Variants in ZDHHC21 observed in about 807,000 individuals in gnomAD.
The protein encoded by ZDHHC21 is zDHHC palmitoyltransferase 21, also known as palmitoyltransferase ZDHHC21.
A neutral mutation model predicts 34.6 loss-of-function variants in ZDHHC21; 15 were observed. The ratio of observed to expected loss-of-function variants is 0.43; its 90% CI spans 0.29 to 0.67. ZDHHC21 has a LOEUF of 0.67. Among genes scored for constraint, ZDHHC21 ranks in the 30% least tolerant of loss-of-function variants. The probability of loss-of-function intolerance (pLI) is 0.14; values close to 1 mark genes in which losing one functional copy is unlikely to be tolerated. For missense variants in ZDHHC21, 344 were observed against 327.7 expected, an observed-to-expected ratio of 1.05 and a Z score of -0.38; for synonymous variants, 142 against 101.8, an observed-to-expected ratio of 1.40 and a Z score of -2.38.
At chr9:14,687,529 G>C (rs1314159364) in intron 2 of ZDHHC21, among the ~76,000 whole-genome samples, 1 of 150,688 alleles carries the variant, frequency 6.6e-6, no homozygotes, top group Non-Finnish European at 1.5e-5. Flanking sequence ...CAATTAGCCA[G>C]GCATAGTGGC....
At chr9:14,642,294 C>T (rs1011238269) in intron 7 of ZDHHC21, among the ~76,000 whole-genome samples, 1 of 152,144 alleles carries the variant, frequency 6.6e-6, no homozygotes, top group African/African-American at 2.4e-5. Flanking sequence ...TATTTTGAGT[C>T]ACTTAACACT....
chr9:14,643,848 G>A (rs1433694191), intron 7 of ZDHHC21, among the ~76,000 whole-genome samples: 1 of 152,108 alleles, frequency 6.6e-6, no homozygotes, highest in Non-Finnish European at 1.5e-5. Flanking sequence ...CTCTACTCTT[G>A]TTCCCTTGGT....
intron 7 of ZDHHC21, among the ~76,000 whole-genome samples, chr9:14,647,930 T>C (rs911646671): frequency 6.6e-6 from 1 of 152,126 alleles, no homozygotes; most frequent in Non-Finnish European, 1.5e-5. Flanking sequence ...ACCACCCCAT[T>C]GAAATCCAGA....
In ZDHHC21 at chr9:14,611,958, C is replaced by G. The variant is rs111478988; in HGVS notation, c.*7008G>C. The stretch of plus-strand genomic sequence containing the variant: ...ACAGTGAATAGTGGTGAATTCTCTA[C>G]TACTCAATAACTTGAAAAATTACTG... On this transcript the variant is annotated 3_prime_UTR_variant, in exon 10 of 10. Transcript: ENST00000380916. 5 of 151,938 alleles carry G rather than the reference C, an allele frequency of 3.3e-5. No individual in the cohort carries two copies. The highest frequency in any genetic ancestry group is 2.0e-4 in the Admixed American group (3 of 15,212). The allele number at this position is 151,938 out of a possible 1,614,324, so 9.4% of individuals were successfully genotyped here.
intron 2 of ZDHHC21, chr9:14,683,683 C>T (rs1208143986): frequency 6.6e-6 from 1 of 152,228 alleles, no homozygotes; most frequent in Non-Finnish European, 1.5e-5. Context: ...AAGAGGGAAT[C>T]CTCTTTAACT....
chr9:14,605,059 A>ATAACATTCCATTG, the ZDHHC21 span, among the ~76,000 whole-genome samples: 1 of 152,186 alleles, frequency 6.6e-6, no homozygotes, highest in Non-Finnish European at 1.5e-5. Flanking sequence ...CTATGGCTGA[A>ATAACATTCCATTG]TAACATTCCA....
At chr9:14,660,009 C>G (rs1017200280) in intron 6 of ZDHHC21, among the ~76,000 whole-genome samples, 2 of 152,158 alleles carry the variant, frequency 1.3e-5, no homozygotes, top group Non-Finnish European at 2.9e-5. Context: ...ACCAGAACAG[C>G]TTTAAGAAGC....
At chr9:14,644,419 T>C (rs1256162988) in intron 7 of ZDHHC21, among the ~76,000 whole-genome samples, 1 of 152,086 alleles carries the variant, frequency 6.6e-6, no homozygotes, top group African/African-American at 2.4e-5. Flanking sequence ...ATAATGGTGA[T>C]AGTGGGGGCA....
the ZDHHC21 span, among the ~76,000 whole-genome samples, chr9:14,595,907 T>C: frequency 3.9e-5 from 6 of 152,178 alleles, no homozygotes; most frequent in Middle Eastern, 3.2e-3. Context: ...TGGCTAAAAC[T>C]TGAAAAGTCC....
intron 5 of ZDHHC21, among the ~76,000 whole-genome samples, chr9:14,672,601 T>C (rs1282777984): frequency 1.3e-5 from 2 of 151,944 alleles, no homozygotes; most frequent in Non-Finnish European, 1.5e-5. Flanking sequence ...GAGGATCATA[T>C]GATATGTGAT....
intron 6 of ZDHHC21, among the ~76,000 whole-genome samples, chr9:14,659,501 A>G (rs1197754811): frequency 6.6e-6 from 1 of 152,224 alleles, no homozygotes; most frequent in Admixed American, 6.5e-5. Flanking sequence ...TAATGTTACA[A>G]TAAAAAATTT....
At chr9:14,641,688 C>G (rs1038922813) in intron 7 of ZDHHC21, among the ~76,000 whole-genome samples, 2 of 152,182 alleles carry the variant, frequency 1.3e-5, no homozygotes, top group African/African-American at 4.8e-5. Context: ...CACAGACCCT[C>G]CCTTCCATCA....
chr9:14,647,641 TTCCACAG>T (rs1449520307), intron 7 of ZDHHC21, among the ~76,000 whole-genome samples: 1 of 150,868 alleles, frequency 6.6e-6, no homozygotes, highest in East Asian at 1.9e-4. Flanking sequence ...CTTGTTTATA[TTCCACAG>T]TCCATCATGA....
At position 14,645,030 on chromosome 9, in the gene ZDHHC21, G is replaced by C. The variant is rs981404196; in HGVS notation, c.505-5018C>G. ...AAGTGGGAGAAAACTGGTTCTTAGA[G>C]GGAGAAAAAAAGTCTTAGCTATCAC... is the stretch of plus-strand genomic sequence containing the variant. On this transcript the variant is annotated intron_variant, in intron 7 of 9. Transcript: ENST00000380916. Among the ~76,000 whole-genome samples, 5 of 152,188 alleles carry C rather than the reference G, an allele frequency of 3.3e-5. No individual in the cohort carries two copies. The South Asian group carries it at 6.2e-4, about 19-fold the overall frequency.
rs1832854145 is a variant in ZDHHC21 at position 14,658,891 on chromosome 9, A to G, written c.366-4T>C. The G allele has an allele frequency of 6.3e-7, 1 of 1,597,786 alleles. No individual in the cohort carries two copies. The highest frequency in any genetic ancestry group is 8.5e-7 in the Non-Finnish European group (1 of 1,175,504). ...TTCACCAACACAATTGTTAATCCTA[A>G]AGAAAAAAAATGAAAAAGAAACAAT... is the stretch of plus-strand genomic sequence containing the variant. On this transcript the variant is annotated splice_region_variant and splice_polypyrimidine_tract_variant and intron_variant, in intron 6 of 9. Transcript: ENST00000380916.
intron 3 of ZDHHC21, among the ~76,000 whole-genome samples, chr9:14,679,476 C>T (rs945165669): frequency 4.6e-5 from 7 of 152,142 alleles, no homozygotes; most frequent in African/African-American, 1.7e-4. Flanking sequence ...TAAGTAATTT[C>T]TGCACAAGTG....
chr9:14,636,335 A>C (rs1293007430), intron 8 of ZDHHC21, among the ~76,000 whole-genome samples: 1 of 152,208 alleles, frequency 6.6e-6, no homozygotes, highest in Non-Finnish European at 1.5e-5. Flanking sequence ...AGACCATTAT[A>C]TGAGATCAAT....
rs1824443233 is a variant in ZDHHC21 at position 14,617,535 on chromosome 9, G to GCATGGTTTATGAACAGTAGACTTTTT, written c.*1405_*1430dup. On this transcript the variant is annotated 3_prime_UTR_variant, in exon 10 of 10. Transcript: ENST00000380916. Reference sequence around the variant, plus strand: ...AAAACTAGCTAAAAGGAAAATGTTAGCATGGTTTATGAACAGTAGACTTTT... The same window carrying GCATGGTTTATGAACAGTAGACTTTTT: ...AAAACTAGCTAAAAGGAAAATGTTAGCATGGTTTATGAACAGTAGACTTTTTCATGGTTTATGAACAGTAGACTTTT... The GCATGGTTTATGAACAGTAGACTTTTT allele has an allele frequency of 6.6e-6, 1 of 151,940 alleles. No individual in the cohort carries two copies. Among genetic ancestry groups the GCATGGTTTATGAACAGTAGACTTTTT allele is most frequent in the African/African-American group, 2.4e-5 (1 of 41,404 alleles). 9.4% of individuals were successfully genotyped at this position (151,940 alleles called of 1,614,324 possible).
Position 14,617,799 on chromosome 9 carries a change from T to G in ZDHHC21, c.*1167A>C, listed in dbSNP as rs1416899005. On this transcript the variant is annotated 3_prime_UTR_variant, in exon 10 of 10. Transcript: ENST00000380916. ...ATTTTCTTATTTTAGGTTCACTTCCTAACACTAGCTACTAGTAAAAGGTCT... is the reference window on the plus strand; with the variant it reads ...ATTTTCTTATTTTAGGTTCACTTCCGAACACTAGCTACTAGTAAAAGGTCT... 1 of 152,026 alleles carries G rather than the reference T, an allele frequency of 6.6e-6. No homozygotes were observed. Among genetic ancestry groups the G allele is most frequent in the Non-Finnish European group, 1.5e-5 (1 of 67,928 alleles). The allele number at this position is 152,026 out of a possible 1,614,324, so 9.4% of individuals were successfully genotyped here.
Sources: allele counts gnomAD v4.1 joint callset (sites outside exome capture counted in the v4.1 genomes callset), GRCh38; gene constraint gnomAD v4.1.1; transcripts MANE v1.5; gene names NCBI Gene and HGNC (gene_info 2026-07-23, HGNC 2026-07-21).